Variants in STARD13 observed in about 807,000 individuals in gnomAD.
The protein encoded by STARD13 is stAR-related lipid transfer protein 13.
A neutral mutation model predicts 106.4 loss-of-function variants in STARD13; 62 were observed. That is an observed-to-expected ratio of 0.58 (90% CI 0.48 to 0.72). The LOEUF (loss-of-function observed/expected upper bound fraction) is 0.72. Among genes scored for constraint, STARD13 ranks in the 30% least tolerant of loss-of-function variants. The pLI, the probability that STARD13 is intolerant of heterozygous loss-of-function variation, is 0.00. For missense variants in STARD13, 1,387 were observed against 1,424.0 expected (o/e 0.97, Z 0.42); for synonymous variants, 565 against 553.0 (o/e 1.02, Z -0.31).
intron 1 of STARD13, among the ~76,000 whole-genome samples, chr13:33,265,537 C>T (rs1890855580): frequency 1.3e-5 from 2 of 152,038 alleles, no homozygotes; most frequent in African/African-American, 4.8e-5. Flanking sequence ...TAAAATCAGG[C>T]ACTAAATTAT....
At chr13:33,399,700 CAAAAAAAAAA>C in the STARD13 span, among the ~76,000 whole-genome samples, 20 of 26,988 alleles carry the variant, frequency 7.4e-4, no homozygotes, top group African/African-American at 1.6e-3. Flanking sequence ...GACTCTGTCT[CAAAAAAAAAA>C]AAAAAAAAAA....
the STARD13 span, among the ~76,000 whole-genome samples, chr13:33,452,917 A>G: frequency 2.0e-5 from 3 of 152,232 alleles, no homozygotes; most frequent in African/African-American, 7.2e-5. Context: ...GCCTGACATT[A>G]AAGAAACTAT....
the STARD13 span, among the ~76,000 whole-genome samples, chr13:33,641,494 C>T: frequency 6.6e-6 from 1 of 152,064 alleles, no homozygotes; most frequent in African/African-American, 2.4e-5. Context: ...TTTCTATGAC[C>T]CACCTTGGGG....
intron 1 of STARD13, among the ~76,000 whole-genome samples, chr13:33,205,466 C>T (rs924169523): frequency 3.3e-5 from 5 of 152,074 alleles, no homozygotes; most frequent in African/African-American, 1.2e-4. Flanking sequence ...AATAAACTGC[C>T]TTTGAGGAAA....
the STARD13 span, among the ~76,000 whole-genome samples, chr13:33,640,715 C>T: frequency 1.4e-4 from 22 of 152,268 alleles, no homozygotes; most frequent in Admixed American, 1.4e-3. Context: ...CTTAAGGCAC[C>T]AAGAGGAAGT....
At chr13:33,239,823 T>C (rs1038384386) in intron 1 of STARD13, among the ~76,000 whole-genome samples, 25 of 152,210 alleles carry the variant, frequency 1.6e-4, no homozygotes, top group Non-Finnish European at 4.4e-5. Context: ...GGTTTGCATA[T>C]ATTTTCTTCC....
the STARD13 span, among the ~76,000 whole-genome samples, chr13:33,364,077 T>G: frequency 6.6e-6 from 1 of 152,200 alleles, no homozygotes; most frequent in African/African-American, 2.4e-5. Flanking sequence ...TTGGAATATT[T>G]GATCAAGCTG....
At chr13:33,406,339 G>A in the STARD13 span, among the ~76,000 whole-genome samples, 1 of 152,156 alleles carries the variant, frequency 6.6e-6, no homozygotes, top group Non-Finnish European at 1.5e-5. Flanking sequence ...TAGCATGAAT[G>A]TTTTTCAGAG....
the STARD13 span, among the ~76,000 whole-genome samples, chr13:33,572,981 T>A: frequency 1.3e-5 from 2 of 152,186 alleles, no homozygotes; most frequent in Non-Finnish European, 2.9e-5. Context: ...ATGCACAAGA[T>A]GACCCAGGAT....
At chr13:33,531,363 A>G in the STARD13 span, among the ~76,000 whole-genome samples, 1 of 152,222 alleles carries the variant, frequency 6.6e-6, no homozygotes, top group African/African-American at 2.4e-5. Context: ...TGAACCATGT[A>G]TTTAAATATA....
chr13:33,196,518 A>G (rs1886631011), intron 1 of STARD13, among the ~76,000 whole-genome samples: 1 of 152,134 alleles, frequency 6.6e-6, no homozygotes. Context: ...TCTGGGAGGG[A>G]GGGTGGCGAT....
chr13:33,667,838 T>A, the STARD13 span, among the ~76,000 whole-genome samples: 1 of 152,230 alleles, frequency 6.6e-6, no homozygotes, highest in East Asian at 1.9e-4. Context: ...TCCTTACATA[T>A]CTTAAGTTCA....
the STARD13 span, among the ~76,000 whole-genome samples, chr13:33,470,609 C>G: frequency 6.6e-6 from 1 of 152,112 alleles, no homozygotes; most frequent in African/African-American, 2.4e-5. Flanking sequence ...TTTTAATGAT[C>G]GCCATTCTAA....
At chr13:33,577,901 A>G in the STARD13 span, among the ~76,000 whole-genome samples, 1 of 152,106 alleles carries the variant, frequency 6.6e-6, no homozygotes, top group Non-Finnish European at 1.5e-5. Flanking sequence ...TTTGTGAAAG[A>G]TGCTGTTAAG....
At chr13:33,266,672 G>T (rs1890912338) in intron 1 of STARD13, among the ~76,000 whole-genome samples, 1 of 152,178 alleles carries the variant, frequency 6.6e-6, no homozygotes, top group African/African-American at 2.4e-5. Context: ...CTCAGGCCCA[G>T]TGGTCTCCCC....
rs1040971397 is a variant in STARD13, at chr13:33,167,006, A to G, written c.241+545T>C. Reference sequence around the variant, plus strand: ...CAGACTCTATCTCAAAAAAAAACAAAAAAAAAACCAAAAAAAAATCAATGA... The same window carrying G: ...CAGACTCTATCTCAAAAAAAAACAAGAAAAAAACCAAAAAAAAATCAATGA... On this transcript the variant is annotated intron_variant, in intron 2 of 13. Coordinates refer to ENST00000336934, the MANE Select transcript of STARD13 (RefSeq NM_178006.4). Among the ~76,000 whole-genome samples the G allele has an allele frequency of 1.3e-4, 19 of 151,790 alleles. No individual in the cohort carries two copies. The East Asian group carries it at 3.3e-3, about 26-fold the overall frequency.
At chr13:33,163,709 A>AAACATATATATATAT (rs1882994392) in intron 3 of STARD13, among the ~76,000 whole-genome samples, 1 of 134,574 alleles carries the variant, frequency 7.4e-6, no homozygotes, top group Admixed American at 7.4e-5. Context: ...CATATATATA[A>AAACATATATATATAT]AACATATATA....
intron 1 of STARD13, among the ~76,000 whole-genome samples, chr13:33,172,041 A>T (rs1164060200): frequency 6.6e-6 from 1 of 152,206 alleles, no homozygotes; most frequent in Non-Finnish European, 1.5e-5. Flanking sequence ...TTAATTATAC[A>T]TGCCCAGTGT....
intron 2 of STARD13, among the ~76,000 whole-genome samples, chr13:33,166,261 G>A (rs71438005): frequency 0.032 from 4,834 of 152,268 alleles, 95 homozygotes; most frequent in Non-Finnish European, 0.043. Context: ...ACTTACAGAT[G>A]GTTCCAGAGT....
Sources: allele counts gnomAD v4.1 joint callset (sites outside exome capture counted in the v4.1 genomes callset), GRCh38; gene constraint gnomAD v4.1.1; transcripts MANE v1.5; gene names NCBI Gene and HGNC (gene_info 2026-07-23, HGNC 2026-07-21).